TRRAP: variants seen among roughly 807,000 people sequenced by gnomAD.
The protein encoded by TRRAP is transformation/transcription domain associated protein, also known as transformation/transcription domain-associated protein.
A neutral mutation model predicts 438.8 loss-of-function variants in TRRAP; 41 were observed. The observed-to-expected ratio is 0.09, with a 90% CI of 0.07 to 0.12. The LOEUF (loss-of-function observed/expected upper bound fraction) is 0.12, where lower values mean the gene tolerates loss of function less well. Among genes scored for constraint, TRRAP ranks in the 10% least tolerant of loss-of-function variants. The pLI, the probability that TRRAP is intolerant of heterozygous loss-of-function variation, is 1.00. For synonymous variants in TRRAP, 1,994 were observed against 1,962.9 expected (o/e 1.02, Z -0.42); for missense variants, 3,122 against 5,055.1 (o/e 0.62, Z 11.60).
Position 98,948,676 on chromosome 7 carries a change from A to G in TRRAP, c.4779A>G (p.Arg1593=). 1 of 1,614,176 alleles carries G rather than the reference A, an allele frequency of 6.2e-7. No individual in the cohort carries two copies. Among genetic ancestry groups the G allele is most frequent in the Non-Finnish European group, 8.5e-7 (1 of 1,180,032 alleles). ...CACTGAACGATCCCCAGTGGAGCAG[A>G]ATGTTTATGGTAAGAGCTGTGAGCA... ...EATLNDPQWS[R]MFMSFLKHKD... Residue 1593 remains arginine (R), a synonymous_variant, in exon 35 of 73, where the codon AGA becomes AGG. Coordinates refer to ENST00000456197, the MANE Select transcript of TRRAP (RefSeq NM_001375524.1). The surrounding 1 kb of genome is among the most constrained non-coding windows in gnomAD (Gnocchi z 4.9).
At chr7:98,982,643 G>A (rs1402870693) in intron 59 of TRRAP, among the ~76,000 whole-genome samples, 1 of 152,206 alleles carries the variant, frequency 6.6e-6, no homozygotes, top group East Asian at 1.9e-4. Context: ...AATTTGGATA[G>A]GCTGAGGATT....
chr7:98,970,645 C>T lies in TRRAP; in HGVS notation c.7692+354C>T, dbSNP rs1383680565. 5.3e-5 allele frequency among the ~76,000 whole-genome samples: 8 copies of T among 151,660 alleles called. No homozygotes were observed. The South Asian group carries it at 1.5e-3, about 28-fold the overall frequency. On this transcript the variant is annotated intron_variant, in intron 52 of 72. Transcript: ENST00000456197. ...TTGAGAAGCATCTTGCACTCCCATT[C>T]GGTTTTGAGATGAATCACGTTACCA...
intron 57 of TRRAP, among the ~76,000 whole-genome samples, 173 bp downstream of exon 57, chr7:98,978,496 A>C (rs990343712): frequency 6.6e-6 from 1 of 152,222 alleles, no homozygotes; most frequent in Non-Finnish European, 1.5e-5. Flanking sequence ...GTAATTAAAC[A>C]AGTCAACTGG....
intron 62 of TRRAP, among the ~76,000 whole-genome samples, chr7:98,987,725 T>C (rs1218697280): frequency 2.0e-5 from 3 of 152,256 alleles, no homozygotes; most frequent in Non-Finnish European, 2.9e-5. Context: ...AGTGCTGAAT[T>C]AAAGAGATGA....
rs561898858 is a variant in TRRAP at position 99,005,404 on chromosome 7, G to A, written c.10753+56G>A. 12 of 1,535,004 alleles carry A rather than the reference G, an allele frequency of 7.8e-6. No individual in the cohort carries two copies. The East Asian group carries it at 2.0e-4, about 26-fold the overall frequency. ...CACAGGCAGCTTCACAGGTGGGGAT[G>A]AGAGCCACACCTCGTGGGGTGCACA... On this transcript the variant is annotated intron_variant, in intron 69 of 72. Coordinates refer to ENST00000456197, the MANE Select transcript of TRRAP (RefSeq NM_001375524.1). This position sits in a 1 kb window ranked among gnomAD's most constrained non-coding sequence, Gnocchi z 5.1.
At chr7:98,907,533 CA>C (rs1405817011) in intron 13 of TRRAP, among the ~76,000 whole-genome samples, 1 of 152,142 alleles carries the variant, frequency 6.6e-6, no homozygotes, top group Non-Finnish European at 1.5e-5. Flanking sequence ...AATATTAAGA[CA>C]TTTTTTGTAA....
In TRRAP at chr7:98,981,753, G is replaced by T; in HGVS notation, c.8635-16G>T. The T allele has an allele frequency of 6.3e-7, 1 of 1,592,926 alleles. No individual in the cohort carries two copies. The highest frequency in any genetic ancestry group is 1.1e-5 in the South Asian group (1 of 87,142). On this transcript the variant is annotated splice_polypyrimidine_tract_variant and intron_variant, in intron 58 of 72. Coordinates refer to ENST00000456197, the MANE Select transcript of TRRAP (RefSeq NM_001375524.1). The stretch of plus-strand genomic sequence containing the variant: ...GAAGGCCCCTCACGTCCTGTGTCAC[G>T]TTCTTTCACTGCCAGGTGGAAGTGA...
intron 40 of TRRAP, among the ~76,000 whole-genome samples, chr7:98,954,329 C>G (rs1192099759): frequency 6.6e-6 from 1 of 152,268 alleles, no homozygotes; most frequent in Non-Finnish European, 1.5e-5. Context: ...AAATGTAATA[C>G]TCCACTCGAG....
At chr7:98,983,584 G>A (rs1770309198) in intron 60 of TRRAP, 125 bp downstream of exon 60, 1 of 1,096,804 alleles carries the variant, frequency 9.1e-7, no homozygotes, top group Non-Finnish European at 1.3e-6. Flanking sequence ...TTTCTATTTT[G>A]GGGTAGGGAA....
chr7:98,955,736 G>A (rs1791571181), intron 41 of TRRAP, among the ~76,000 whole-genome samples: 1 of 152,198 alleles, frequency 6.6e-6, no homozygotes, highest in African/African-American at 2.4e-5. Context: ...TGGGGTAGAA[G>A]AGAAAGGATT....
intron 18 of TRRAP, among the ~76,000 whole-genome samples, chr7:98,912,578 C>G (rs782090738): frequency 6.6e-6 from 1 of 151,998 alleles, no homozygotes; most frequent in Non-Finnish European, 1.5e-5. Flanking sequence ...AGAACTCTTA[C>G]GGTAAGCAAG....
chr7:98,910,061 C>T lies in TRRAP; in HGVS notation c.1356C>T (p.Phe452=), dbSNP rs782159856. ...TGAATTTCTCTTCCCGTTAGGTTTTCGTTCTCAAATTCCACACAATTGCTC... is the reference window on the plus strand; with the variant it reads ...TGAATTTCTCTTCCCGTTAGGTTTTTGTTCTCAAATTCCACACAATTGCTC... ...RDVLMRMLEV[F]VLKFHTIARY... is the part of the protein sequence containing the mutation. The change falls in exon 15 of 73, where the codon TTC becomes TTT. Residue 452 remains phenylalanine (F), a synonymous_variant. Coordinates refer to ENST00000456197, the MANE Select transcript of TRRAP (RefSeq NM_001375524.1). 43 of 1,535,524 alleles carry T rather than the reference C, an allele frequency of 2.8e-5. No individual in the cohort carries two copies. The highest frequency in any genetic ancestry group is 2.5e-4 in the East Asian group (11 of 44,138).
At position 98,976,551 on chromosome 7, in the gene TRRAP, C is replaced by T; in HGVS notation, c.8028C>T (p.Pro2676=). Residue 2676 remains proline, a synonymous_variant, in exon 55 of 73, where the codon CCC becomes CCT. Transcript: ENST00000456197. The surrounding 1 kb of genome is among the most constrained non-coding windows in gnomAD (Gnocchi z 4.6). Reference sequence around the variant, plus strand: ...ACCAGGTGCAGCGGGACTGCCAGCCCAGCGCGCTGAACTGCTTTGTGGAAG... The same window carrying T: ...ACCAGGTGCAGCGGGACTGCCAGCCTAGCGCGCTGAACTGCTTTGTGGAAG... ...GSHQVQRDCQ[P]SALNCFVEAM... is the part of the protein sequence containing the mutation. 1.2e-6 allele frequency: 2 copies of T among 1,614,000 alleles called. No homozygotes were observed. The highest frequency in any genetic ancestry group is 1.7e-6 in the Non-Finnish European group (2 of 1,180,034).
intron 27 of TRRAP, among the ~76,000 whole-genome samples, chr7:98,934,416 TGTAAGGCTTGACAGAAG>T (rs1790465169): frequency 6.6e-6 from 1 of 152,222 alleles, no homozygotes; most frequent in Admixed American, 6.5e-5. Flanking sequence ...CCTTATCATT[TGTAAGGCTTGACAGAAG>T]GTCAAGACCT....
intron 31 of TRRAP, among the ~76,000 whole-genome samples, chr7:98,945,242 A>G (rs1004264344): frequency 4.6e-5 from 7 of 152,266 alleles, no homozygotes; most frequent in Non-Finnish European, 7.4e-5. Flanking sequence ...ACATGCGTGC[A>G]CACACACACC....
At chr7:98,883,002 A>C (rs553652111) in intron 3 of TRRAP, among the ~76,000 whole-genome samples, 4 of 152,316 alleles carry the variant, frequency 2.6e-5, no homozygotes, top group Non-Finnish European at 4.4e-5. Flanking sequence ...ATGTTCAGGT[A>C]ATTTGATGGT....
intron 67 of TRRAP, chr7:98,998,612 G>A (rs184617696): frequency 1.2e-5 from 2 of 160,924 alleles, no homozygotes; most frequent in East Asian, 1.9e-4. Context: ...GGTGAAGTAG[G>A]GTTGGCGAAA....
At position 98,903,360 on chromosome 7, in the gene TRRAP, T is replaced by C; in HGVS notation, c.898-19T>C. On this transcript the variant is annotated intron_variant, in intron 11 of 72. Transcript: ENST00000456197. ...CTCTCCTATCCCTGTAACTGTGTCA[T>C]CTCACTCTGTTCTTACAGGAGTTGG... The C allele has an allele frequency of 6.2e-7, 1 of 1,613,950 alleles. No individual in the cohort carries two copies. Among genetic ancestry groups the C allele is most frequent in the Non-Finnish European group, 8.5e-7 (1 of 1,179,908 alleles).
In TRRAP at chr7:98,967,602, C is replaced by T. The variant is rs778727472; in HGVS notation, c.7416C>T (p.Ser2472=). Reference sequence around the variant, plus strand: ...AGTTTTTCGAGGTTTTTGACAACTCCATGAAACGTCGTGTCTACGAGCGCT... The same window carrying T: ...AGTTTTTCGAGGTTTTTGACAACTCTATGAAACGTCGTGTCTACGAGCGCT... ...RAKFFEVFDN[S]MKRRVYERLL... Residue 2472 remains serine, a synonymous_variant, in exon 51 of 73, where the codon TCC becomes TCT. Coordinates refer to ENST00000456197, the MANE Select transcript of TRRAP (RefSeq NM_001375524.1). 1.2e-6 allele frequency: 2 copies of T among 1,613,992 alleles called. No homozygotes were observed. Among genetic ancestry groups the T allele is most frequent in the African/African-American group, 2.7e-5 (2 of 74,930 alleles).
Sources: gnomAD v4.1 joint callset for allele counts (sites outside exome capture counted in the v4.1 genomes callset) on GRCh38, gnomAD v4.1.1 for gene constraint, Gnocchi (gnomAD v3.1) non-coding constraint, MANE v1.5 for transcripts, NCBI Gene and HGNC (gene_info 2026-07-23, HGNC 2026-07-21) for gene names.